Variants in CD247 observed in about 807,000 individuals in gnomAD.
CD247 encodes T-cell surface glycoprotein CD3 zeta chain.
A neutral mutation model predicts 30.0 loss-of-function variants in CD247; 13 were observed. The observed-to-expected ratio is 0.43, with a 90% CI of 0.28 to 0.69. The LOEUF (loss-of-function observed/expected upper bound fraction) is 0.69. Among genes scored for constraint, CD247 ranks in the 30% least tolerant of loss-of-function variants. CD247 has a pLI of 0.16. For synonymous variants in CD247, 72 were observed against 80.0 expected (o/e 0.90, Z 0.53); for missense variants, 193 against 212.6 (o/e 0.91, Z 0.57).
At chr1:167,460,230 C>G (rs757975629) in intron 1 of CD247, among the ~76,000 whole-genome samples, 2 of 151,844 alleles carry the variant, frequency 1.3e-5, no homozygotes, top group Admixed American at 1.3e-4. Flanking sequence ...GGCGAAATCC[C>G]GTCTCTACAA....
At chr1:167,493,388 T>C (rs1021726600) in intron 1 of CD247, among the ~76,000 whole-genome samples, 3 of 152,160 alleles carry the variant, frequency 2.0e-5, no homozygotes, top group African/African-American at 4.8e-5. Context: ...TCTCCATCTG[T>C]TCCTTTCTGC....
intron 1 of CD247, among the ~76,000 whole-genome samples, chr1:167,508,023 G>A (rs141423871): frequency 1.3e-5 from 2 of 152,270 alleles, no homozygotes; most frequent in Non-Finnish European, 2.9e-5. Context: ...TAACAGATGT[G>A]TCTTCCAAAC....
chr1:167,431,503 G>C lies in CD247; in HGVS notation c.*178C>G, dbSNP rs1235749752. On this transcript the variant is annotated 3_prime_UTR_variant, in exon 8 of 8. Transcript: ENST00000362089. ...CTGGGAGTACACTCCCTTAAAGAGT[G>C]CAGGGACAACAGTCTGTGTGTGAAG... 1 of 696,704 alleles carries C rather than the reference G, an allele frequency of 1.4e-6. No individual in the cohort carries two copies. Among genetic ancestry groups the C allele is most frequent in the Non-Finnish European group, 2.6e-6 (1 of 383,140 alleles). 43.2% of individuals were successfully genotyped at this position (696,704 alleles called of 1,614,324 possible).
rs780874148 is a variant in CD247 at position 167,494,731 on chromosome 1, T to C, written c.58+23677A>G. 9.2e-5 allele frequency among the ~76,000 whole-genome samples: 14 copies of C among 152,188 alleles called. No individual in the cohort carries two copies. The highest frequency in any genetic ancestry group is 1.8e-4 in the Non-Finnish European group (12 of 68,040). ...CCTCGGCATTTTGTATCTCCTATAA[T>C]TCCTGGATACAGATAAATGTTTATT... On this transcript the variant is annotated intron_variant, in intron 1 of 7. Coordinates refer to ENST00000362089, the MANE Select transcript of CD247 (RefSeq NM_198053.3). This position sits in a 1 kb window ranked among gnomAD's most constrained non-coding sequence, Gnocchi z 7.3.
At chr1:167,472,886 A>T (rs1014484796) in intron 1 of CD247, among the ~76,000 whole-genome samples, 3 of 151,916 alleles carry the variant, frequency 2.0e-5, no homozygotes, top group African/African-American at 7.3e-5. Context: ...CCTAGAGAGG[A>T]TTCTTTGTGT....
intron 7 of CD247, among the ~76,000 whole-genome samples, chr1:167,432,240 C>T (rs547627067): frequency 3.9e-5 from 6 of 152,296 alleles, no homozygotes; most frequent in African/African-American, 4.8e-5. Context: ...TTCCCAGGCC[C>T]GGTGATTCTA....
chr1:167,505,576 C>T (rs909812677), intron 1 of CD247, among the ~76,000 whole-genome samples: 5 of 152,254 alleles, frequency 3.3e-5, no homozygotes, highest in African/African-American at 1.2e-4. Context: ...ACAAGGGCTG[C>T]CCCTCGCCCT....
chr1:167,500,468 C>G (rs558479309), intron 1 of CD247, among the ~76,000 whole-genome samples: 2 of 152,174 alleles, frequency 1.3e-5, no homozygotes, highest in Non-Finnish European at 2.9e-5. Context: ...TTACAACCAG[C>G]GCTTCTGGTA....
intron 1 of CD247, among the ~76,000 whole-genome samples, chr1:167,492,665 C>T (rs905423605): frequency 6.6e-6 from 1 of 152,148 alleles, no homozygotes; most frequent in African/African-American, 2.4e-5. Context: ...ACATCCCATC[C>T]CCCTAAACCT....
chr1:167,476,213 C>G (rs1027406340), intron 1 of CD247, among the ~76,000 whole-genome samples: 4 of 152,106 alleles, frequency 2.6e-5, no homozygotes, highest in African/African-American at 9.7e-5. Flanking sequence ...GGGCTGCTGA[C>G]ACCTTCTCAG....
At chr1:167,445,808 G>A (rs1453244498) in intron 1 of CD247, among the ~76,000 whole-genome samples, 1 of 152,158 alleles carries the variant, frequency 6.6e-6, no homozygotes, top group African/African-American at 2.4e-5. Context: ...CCTTTCCCCT[G>A]CAGTCAACCT....
chr1:167,512,027 G>A (rs541914427), intron 1 of CD247, among the ~76,000 whole-genome samples: 2 of 152,236 alleles, frequency 1.3e-5, no homozygotes, highest in African/African-American at 4.8e-5. Context: ...TTGTTCTAAT[G>A]CTTTCTATTT....
At chr1:167,488,483 C>G (rs1447821777) in intron 1 of CD247, among the ~76,000 whole-genome samples, 1 of 152,134 alleles carries the variant, frequency 6.6e-6, no homozygotes, top group African/African-American at 2.4e-5. Flanking sequence ...GGGATTCTGG[C>G]TAAACCAACC....
At chr1:167,472,160 A>G (rs1163342540) in intron 1 of CD247, among the ~76,000 whole-genome samples, 2 of 152,198 alleles carry the variant, frequency 1.3e-5, no homozygotes, top group Non-Finnish European at 2.9e-5. Flanking sequence ...AGCGTGTTAC[A>G]TATTAAGGAT....
At chr1:167,495,431 T>A (rs1317966689) in intron 1 of CD247, among the ~76,000 whole-genome samples, 1 of 152,188 alleles carries the variant, frequency 6.6e-6, no homozygotes, top group African/African-American at 2.4e-5. Context: ...TGCTCCCGTT[T>A]AATCCTTATC....
intron 4 of CD247, among the ~76,000 whole-genome samples, chr1:167,438,117 C>T (rs1651633628): frequency 6.6e-6 from 1 of 152,096 alleles, no homozygotes; most frequent in South Asian, 2.1e-4. Context: ...CAGCTGCTCC[C>T]CTACCCACAG....
intron 1 of CD247, among the ~76,000 whole-genome samples, chr1:167,454,728 C>T (rs1222490480): frequency 6.6e-6 from 1 of 152,206 alleles, no homozygotes; most frequent in Non-Finnish European, 1.5e-5. Context: ...GAGATGAAAG[C>T]GCTTTTCCGA....
intron 1 of CD247, among the ~76,000 whole-genome samples, chr1:167,470,881 T>C (rs960485661): frequency 6.7e-6 from 1 of 149,728 alleles, no homozygotes; most frequent in Non-Finnish European, 1.5e-5. Context: ...TCTTTTTTTT[T>C]TTTTTTTTGA....
intron 1 of CD247, among the ~76,000 whole-genome samples, chr1:167,484,745 C>A (rs999452063): frequency 6.6e-6 from 1 of 152,228 alleles, no homozygotes; most frequent in African/African-American, 2.4e-5. Flanking sequence ...CCACCGCAGT[C>A]CAGCCCGGCG....
Sources: allele counts gnomAD v4.1 joint callset (sites outside exome capture counted in the v4.1 genomes callset), GRCh38; gene constraint gnomAD v4.1.1; non-coding constraint Gnocchi (gnomAD v3.1); transcripts MANE v1.5; gene names NCBI Gene and HGNC (gene_info 2026-07-23, HGNC 2026-07-21).